Variants in LARP4 observed in about 807,000 individuals in gnomAD.
LARP4 encodes la-related protein 4.
In LARP4, 29 loss-of-function variants were observed where a neutral mutation model predicts 92.9. The observed-to-expected ratio is 0.31, with a 90% CI of 0.23 to 0.43. The LOEUF is 0.43. Ranked by LOEUF, LARP4 falls within the 20% of genes least tolerant of loss-of-function variation. The pLI, the probability that LARP4 is intolerant of heterozygous loss-of-function variation, is 1.00. For missense variants in LARP4, 732 were observed against 860.0 expected (o/e 0.85, Z 1.86); for synonymous variants, 279 against 284.1 (o/e 0.98, Z 0.18).
At chr12:50,451,333 G>T (rs563317744) in intron 8 of LARP4, among the ~76,000 whole-genome samples, 1 of 152,134 alleles carries the variant, frequency 6.6e-6, no homozygotes, top group Non-Finnish European at 1.5e-5. Context: ...TTATGTGCCT[G>T]CCCTATTTCA....
intron 10 of LARP4, 118 bp downstream of exon 10, chr12:50,454,535 T>G: frequency 1.3e-6 from 1 of 776,724 alleles, no homozygotes; most frequent in Non-Finnish European, 2.0e-6. Flanking sequence ...TTTTGTTTGT[T>G]TTGTTTTTAC....
intron 8 of LARP4, among the ~76,000 whole-genome samples, chr12:50,447,511 T>A (rs950030113): frequency 2.0e-4 from 30 of 152,318 alleles, no homozygotes; most frequent in Non-Finnish European, 1.3e-4. Flanking sequence ...AGCATATAAA[T>A]TGATAAAATG....
At chr12:50,442,970 C>CT (rs1461465948) in intron 8 of LARP4, among the ~76,000 whole-genome samples, 1 of 152,136 alleles carries the variant, frequency 6.6e-6, no homozygotes, top group Non-Finnish European at 1.5e-5. Context: ...GTTCTTCTCC[C>CT]TTTTATCTTT....
intron 14 of LARP4, 94 bp from the exon 15 acceptor site, chr12:50,473,905 G>A (rs537055303): frequency 3.6e-5 from 39 of 1,071,924 alleles, no homozygotes; most frequent in Non-Finnish European, 4.8e-5. Context: ...GTGAGACTCC[G>A]TCTCAAAAAA....
intron 13 of LARP4, among the ~76,000 whole-genome samples, chr12:50,471,332 A>G (rs148797703): frequency 2.6e-5 from 4 of 152,188 alleles, no homozygotes; most frequent in Non-Finnish European, 4.4e-5. Flanking sequence ...TTCATTCTGT[A>G]TGGTTTGAGA....
intron 5 of LARP4, 120 bp from the exon 6 acceptor site, chr12:50,437,615 A>T (rs1950625629): frequency 5.2e-6 from 3 of 572,964 alleles, no homozygotes; most frequent in South Asian, 2.7e-5. Flanking sequence ...TTTCTTTAGG[A>T]TATTAACCCA....
intron 4 of LARP4, among the ~76,000 whole-genome samples, chr12:50,432,429 G>A (rs1397379228): frequency 1.3e-5 from 2 of 152,038 alleles, no homozygotes; most frequent in African/African-American, 4.8e-5. Context: ...CCTTCTACAT[G>A]GCCCTTTCAG....
intron 1 of LARP4, among the ~76,000 whole-genome samples, chr12:50,427,237 T>G (rs1261025570): frequency 6.6e-6 from 1 of 152,212 alleles, no homozygotes; most frequent in Non-Finnish European, 1.5e-5. Flanking sequence ...TATAATATTC[T>G]GGAAAATTAC....
intron 3 of LARP4, among the ~76,000 whole-genome samples, chr12:50,430,214 G>A (rs1472234729): frequency 3.3e-5 from 5 of 152,150 alleles, no homozygotes; most frequent in African/African-American, 1.2e-4. Flanking sequence ...AAAATAAAAA[G>A]TTAGCTGGGT....
intron 5 of LARP4, among the ~76,000 whole-genome samples, chr12:50,436,100 T>TGG (rs1192595028): frequency 4.2e-5 from 2 of 47,698 alleles, no homozygotes; most frequent in Non-Finnish European, 7.9e-5. Context: ...TGTATCCCGC[T>TGG]GGTGTGTGTG....
At chr12:50,445,083 G>A (rs1391091937) in intron 8 of LARP4, among the ~76,000 whole-genome samples, 2 of 142,152 alleles carry the variant, frequency 1.4e-5, no homozygotes, top group African/African-American at 5.3e-5. Context: ...CTTTTTTTGT[G>A]GTAGAGACGG....
intron 10 of LARP4, among the ~76,000 whole-genome samples, chr12:50,456,173 C>G (rs1449968942): frequency 6.6e-6 from 1 of 152,114 alleles, no homozygotes; most frequent in Non-Finnish European, 1.5e-5. Context: ...TTTATTGTTA[C>G]CTTTTATCCG....
Position 50,427,901 on chromosome 12 carries a change from A to G in LARP4, c.158A>G (p.His53Arg), listed in dbSNP as rs748581555. The G allele has an allele frequency of 6.3e-7, 1 of 1,589,028 alleles. No individual in the cohort carries two copies. Among genetic ancestry groups the G allele is most frequent in the African/African-American group, 1.3e-5 (1 of 74,700 alleles). ...GAAATAGCAGCTACATCAGGTGCTC[A>G]TCCTGAGGGTAAGTCTTAAATATTT... ...WHEIAATSGA[H>R]PEGNAELSED... The change falls in exon 2 of 16, where the codon CAT becomes CGT. Residue 53 changes from histidine to arginine, a missense_variant. Physicochemically the swap from His to Arg is conservative, Grantham distance 29. Around this residue, in one of 7 missense-constraint regions of LARP4, gnomAD observed 236 missense variants for 307.6 expected, o/e 0.77. Transcript: ENST00000398473.
intron 1 of LARP4, chr12:50,421,210 A>G (rs1315653196): frequency 1.1e-6 from 1 of 884,674 alleles, no homozygotes; most frequent in Non-Finnish European, 1.4e-6. Flanking sequence ...TGGCCTCTCA[A>G]AGTGCTTTGA....
At chr12:50,474,485 C>G (rs1270559608) in intron 15 of LARP4, among the ~76,000 whole-genome samples, 1 of 152,098 alleles carries the variant, frequency 6.6e-6, no homozygotes, top group Non-Finnish European at 1.5e-5. Context: ...GTAGCTGGGA[C>G]TACAGGTGCC....
In LARP4 at chr12:50,467,092, A is replaced by C; in HGVS notation, c.1517A>C (p.Asp506Ala). The C allele has an allele frequency of 6.2e-7, 1 of 1,612,640 alleles. No homozygotes were observed. The highest frequency in any genetic ancestry group is 8.5e-7 in the Non-Finnish European group (1 of 1,178,852). Residue 506 changes from aspartate to alanine, a missense_variant, in exon 13 of 16, where the codon GAT (aspartate) becomes GCT (alanine). Around this residue, in one of 7 missense-constraint regions of LARP4, gnomAD observed 264 missense variants for 269.5 expected, o/e 0.98. Transcript: ENST00000398473. ...CTCGTTTTGGAGAATAGGATGTCTG[A>C]TGTTGTTAAAGGTGTCTACAAAGAA... is the stretch of plus-strand genomic sequence containing the variant. ...GELVLENRMS[D>A]VVKGVYKEKD...
intron 1 of LARP4, among the ~76,000 whole-genome samples, chr12:50,406,237 A>G (rs1309611785): frequency 2.0e-5 from 3 of 152,156 alleles, no homozygotes; most frequent in Admixed American, 2.0e-4. Context: ...TGGGAGGCCG[A>G]GGTGGGAGGA....
At chr12:50,440,887 C>CTT (rs965808100) in intron 7 of LARP4, among the ~76,000 whole-genome samples, 7 of 143,264 alleles carry the variant, frequency 4.9e-5, no homozygotes, top group African/African-American at 7.6e-5. Context: ...TGGTTTTATT[C>CTT]TTTTTTTTTT....
At chr12:50,434,908 C>T (rs1280822250) in intron 4 of LARP4, among the ~76,000 whole-genome samples, 1 of 151,940 alleles carries the variant, frequency 6.6e-6, no homozygotes. Context: ...ATTAGCCGAG[C>T]GTGATGGCGG....
Sources: gnomAD v4.1 joint callset for allele counts (sites outside exome capture counted in the v4.1 genomes callset) on GRCh38, gnomAD v4.1.1 for gene constraint, gnomAD v4.1.1 regional missense constraint, MANE v1.5 for transcripts, NCBI Gene and HGNC (gene_info 2026-07-23, HGNC 2026-07-21) for gene names.